Variants in EYS observed in about 807,000 individuals in gnomAD.
The protein encoded by EYS is protein eyes shut homolog.
A neutral mutation model predicts 282.1 loss-of-function variants in EYS; 250 were observed. That is an observed-to-expected ratio of 0.89 (90% CI 0.80 to 0.98). The LOEUF (loss-of-function observed/expected upper bound fraction) is 0.98. Among genes scored for constraint, EYS ranks in the 50% least tolerant of loss-of-function variants. The pLI is 0.00. For synonymous variants in EYS, 1,355 were observed against 1,282.9 expected, an observed-to-expected ratio of 1.06 and a Z score of -1.20; for missense variants, 4,016 against 3,709.0, an observed-to-expected ratio of 1.08 and a Z score of -2.15.
intron 35 of EYS, among the ~76,000 whole-genome samples, chr6:63,980,604 T>C (rs1291771408): frequency 6.6e-6 from 1 of 151,918 alleles, no homozygotes; most frequent in Non-Finnish European, 1.5e-5. Flanking sequence ...CAGGCCATCT[T>C]GTCCATCCTC....
chr6:64,379,920 G>A (rs185939505), intron 29 of EYS, among the ~76,000 whole-genome samples: 2 of 152,132 alleles, frequency 1.3e-5, no homozygotes, highest in East Asian at 3.8e-4. Flanking sequence ...TTAGGGGAAA[G>A]AGATTTCAAG....
At chr6:63,827,339 C>T (rs1771497562) in intron 36 of EYS, among the ~76,000 whole-genome samples, 2 of 152,148 alleles carry the variant, frequency 1.3e-5, no homozygotes, top group Non-Finnish European at 2.9e-5. Context: ...GACTTCAATA[C>T]TCCACTGGCA....
chr6:63,906,633 A>G lies in EYS; in HGVS notation c.7056-42275T>C, dbSNP rs550593355. On this transcript the variant is annotated intron_variant, in intron 35 of 42. Transcript: ENST00000503581. ...GAAAAGCTTTTAGTTCTAATGTTACATTTTAGCATTATTTAAAATTTCATA... is the reference window on the plus strand; with the variant it reads ...GAAAAGCTTTTAGTTCTAATGTTACGTTTTAGCATTATTTAAAATTTCATA... Among the ~76,000 whole-genome samples, 25 of 152,310 alleles carry G rather than the reference A, an allele frequency of 1.6e-4. 1 individual carries two copies. The highest frequency in any genetic ancestry group is 4.1e-4 in the South Asian group (2 of 4,832).
intron 5 of EYS, among the ~76,000 whole-genome samples, chr6:65,420,189 T>C (rs1767401610): frequency 6.6e-6 from 1 of 152,068 alleles, no homozygotes; most frequent in Admixed American, 6.6e-5. Flanking sequence ...TTGAGAGCAT[T>C]TTGCCCACAA....
At chr6:64,290,709 A>G (rs533181016) in intron 30 of EYS, among the ~76,000 whole-genome samples, 98 of 152,042 alleles carry the variant, frequency 6.4e-4, no homozygotes, top group African/African-American at 2.3e-3. Context: ...ATAGATGACA[A>G]AGTCCAAAGA....
chr6:63,978,609 AC>A (rs1283952979), intron 35 of EYS, among the ~76,000 whole-genome samples: 1 of 151,942 alleles, frequency 6.6e-6, no homozygotes, highest in Non-Finnish European at 1.5e-5. Flanking sequence ...CAGAGTAAAA[AC>A]TAAAAGATCT....
At chr6:64,861,874 T>C (rs576086764) in intron 19 of EYS, among the ~76,000 whole-genome samples, 1 of 152,220 alleles carries the variant, frequency 6.6e-6, no homozygotes, top group Non-Finnish European at 1.5e-5. Context: ...CTTCTTTCTT[T>C]ACATAGATTT....
At chr6:64,079,506 A>G (rs975810020) in intron 32 of EYS, among the ~76,000 whole-genome samples, 4 of 152,172 alleles carry the variant, frequency 2.6e-5, no homozygotes, top group Non-Finnish European at 4.4e-5. Context: ...GTTTCAAAGT[A>G]GAGGAGCAAA....
intron 36 of EYS, among the ~76,000 whole-genome samples, chr6:63,815,934 G>C (rs1472270840): frequency 6.6e-6 from 1 of 151,906 alleles, no homozygotes; most frequent in Non-Finnish European, 1.5e-5. Context: ...CTAATCATGA[G>C]AGAAAAAAGA....
chr6:64,694,039 G>GA (rs1243425864), intron 22 of EYS, among the ~76,000 whole-genome samples: 47 of 152,130 alleles, frequency 3.1e-4, no homozygotes, highest in Admixed American at 3.0e-3. Context: ...TGAATAAGGA[G>GA]AAAAAACTGA....
At chr6:63,736,306 A>G (rs1582155536) in intron 41 of EYS, among the ~76,000 whole-genome samples, 1 of 152,056 alleles carries the variant, frequency 6.6e-6, no homozygotes, top group Non-Finnish European at 1.5e-5. Context: ...TCTACATATG[A>G]CTAGCCAGTT....
intron 30 of EYS, among the ~76,000 whole-genome samples, chr6:64,306,204 G>A (rs1199035323): frequency 6.6e-6 from 1 of 152,014 alleles, no homozygotes; most frequent in African/African-American, 2.4e-5. Context: ...AGGAAAAGAG[G>A]GTCCAAAAAT....
At chr6:65,498,798 C>T (rs1448567913) in intron 2 of EYS, among the ~76,000 whole-genome samples, 12 of 151,760 alleles carry the variant, frequency 7.9e-5, no homozygotes, top group Admixed American at 7.9e-4. Flanking sequence ...AATTTTGACC[C>T]CAAAGGTATG....
At chr6:65,065,384 A>ATTT (rs34618936) in intron 12 of EYS, among the ~76,000 whole-genome samples, 1 of 143,014 alleles carries the variant, frequency 7.0e-6, no homozygotes, top group Non-Finnish European at 1.5e-5. Context: ...GAAAAAAACA[A>ATTT]TTTTTTTTTT....
Position 63,884,712 on chromosome 6 carries a change from GTTAAGGAATACCTTGA to G in EYS, c.7056-20370_7056-20355del, listed in dbSNP as rs536259248. On this transcript the variant is annotated intron_variant, in intron 35 of 42. Coordinates refer to ENST00000503581, the MANE Select transcript of EYS (RefSeq NM_001142800.2). Reference sequence around the variant, plus strand: ...TGATTTTCGAAATCTTAGTTTGGTTGTTAAGGAATACCTTGATCATATTTTTACATTGAAGTTATCA... The same window carrying G: ...TGATTTTCGAAATCTTAGTTTGGTTGTCATATTTTTACATTGAAGTTATCA... 1.4e-3 allele frequency among the ~76,000 whole-genome samples: 213 copies of G among 152,158 alleles called. 1 individual carries two copies. Among genetic ancestry groups the G allele is most frequent in the South Asian group, 0.01 (49 of 4,826 alleles).
chr6:64,917,363 G>A (rs910455792), intron 15 of EYS, among the ~76,000 whole-genome samples: 1 of 152,026 alleles, frequency 6.6e-6, no homozygotes, highest in African/African-American at 2.4e-5. Flanking sequence ...TAATGACAAA[G>A]GATCGTTCAG....
At chr6:64,289,416 C>G (rs1394291356) in intron 30 of EYS, among the ~76,000 whole-genome samples, 1 of 152,024 alleles carries the variant, frequency 6.6e-6, no homozygotes, top group Non-Finnish European at 1.5e-5. Flanking sequence ...CATATCCCAG[C>G]ATACTCAATG....
At chr6:65,422,565 C>A (rs1300007084) in intron 5 of EYS, among the ~76,000 whole-genome samples, 2 of 151,690 alleles carry the variant, frequency 1.3e-5, no homozygotes, top group South Asian at 2.1e-4. Context: ...ACATGCAAAG[C>A]TTTTATATCA....
At chr6:64,959,875 ATTTT>A (rs35264278) in intron 14 of EYS, among the ~76,000 whole-genome samples, 3 of 119,252 alleles carry the variant, frequency 2.5e-5, no homozygotes, top group African/African-American at 6.3e-5. Context: ...ACGACTCAGG[ATTTT>A]TTTTTTTTTT....
Sources: allele counts gnomAD v4.1 joint callset (sites outside exome capture counted in the v4.1 genomes callset), GRCh38; gene constraint gnomAD v4.1.1; transcripts MANE v1.5; gene names NCBI Gene and HGNC (gene_info 2026-07-23, HGNC 2026-07-21).